Variants in COMT observed in about 807,000 individuals in gnomAD.
COMT encodes catechol O-methyltransferase.
In COMT, 13 loss-of-function variants were observed where a neutral mutation model predicts 18.9. That is an observed-to-expected ratio of 0.69 (90% CI 0.45 to 1.09). COMT has a LOEUF of 1.09. COMT is among the 50% of genes least tolerant of loss of function. The pLI, the probability that COMT is intolerant of heterozygous loss-of-function variation, is 0.00. For missense variants in COMT, 329 were observed against 361.8 expected, an observed-to-expected ratio of 0.91 and a Z score of 0.73; for synonymous variants, 150 against 160.9, an observed-to-expected ratio of 0.93 and a Z score of 0.51.
In COMT at chr22:19,964,113, T is replaced by G. The variant is rs774007307; in HGVS notation, c.484-55T>G. 1.5e-5 allele frequency: 25 copies of G among 1,613,424 alleles called. No individual in the cohort carries two copies. In the South Asian group the frequency reaches 2.5e-4, roughly 16 times the overall value. On this transcript the variant is annotated intron_variant, in intron 4 of 5. Transcript: ENST00000361682. The stretch of plus-strand genomic sequence containing the variant: ...ACTGACAGGCGCTGTTGTATAGGTG[T>G]GTAGGGATGGCCTCCTGTCTGTGAG...
At position 19,963,746 on chromosome 22, in the gene COMT, G is replaced by C. The variant is rs1445081098; in HGVS notation, c.470G>C (p.Gly157Ala). The change falls in exon 4 of 6, where the codon GGC becomes GCC. Residue 157 changes from glycine to alanine, a missense_variant. Coordinates refer to ENST00000361682, the MANE Select transcript of COMT (RefSeq NM_000754.4). ...ACCCAGCGGATGGTGGATTTCGCTG[G>C]CGTGAAGGACAAGGTGTGCATGCCT... ...AITQRMVDFA[G>A]VKDKVTLVVG... 2 of 1,611,964 alleles carry C rather than the reference G, an allele frequency of 1.2e-6. No homozygotes were observed. Among genetic ancestry groups the C allele is most frequent in the Admixed American group, 3.3e-5 (2 of 60,016 alleles).
chr22:19,960,553 G>GC (rs1942170911), intron 1 of COMT, among the ~76,000 whole-genome samples: 1 of 152,172 alleles, frequency 6.6e-6, no homozygotes, highest in South Asian at 2.1e-4. Context: ...GGCACGTCCT[G>GC]CCCCGCTGGG....
intron 5 of COMT, chr22:19,965,040 A>T (rs117179536): frequency 4.8e-4 from 79 of 164,594 alleles, no homozygotes; most frequent in Non-Finnish European, 9.5e-4. Context: ...TAGCAGCCGG[A>T]CTAGGAGCAC....
At position 19,941,876 on chromosome 22, in the gene COMT, C is replaced by T. The variant is rs1195709784; in HGVS notation, c.-113C>T. Reference sequence around the variant, plus strand: ...CGCCGGACCGGGGCGGGTCCAGTCCCGGGCGGGCCGTCGCGGGAGAGGTGA... The same window carrying T: ...CGCCGGACCGGGGCGGGTCCAGTCCTGGGCGGGCCGTCGCGGGAGAGGTGA... On this transcript the variant is annotated 5_prime_UTR_variant, in exon 1 of 6. Coordinates refer to ENST00000361682, the MANE Select transcript of COMT (RefSeq NM_000754.4). 2.2e-6 allele frequency: 3 copies of T among 1,388,558 alleles called. No homozygotes were observed. In the African/African-American group the frequency reaches 4.6e-5, roughly 21 times the overall value. 86.0% of individuals were successfully genotyped at this position (1,388,558 alleles called of 1,614,324 possible).
At position 19,962,639 on chromosome 22, in the gene COMT, G is replaced by A. The variant is rs759091417; in HGVS notation, c.113G>A (p.Trp38Ter). 1.2e-6 allele frequency: 2 copies of A among 1,607,430 alleles called. No homozygotes were observed. The highest frequency in any genetic ancestry group is 1.1e-5 in the South Asian group (1 of 90,206). ...HWGWGLCLIG[W>*]NEFILQPIHN... ...GGCTGGGGCCTGTGCCTTATCGGCT[G>A]GAACGAGTTCATCCTGCAGCCCATC... Residue 38 changes from tryptophan (W) to a stop codon, truncating the protein, a stop_gained, in exon 3 of 6, where the codon TGG (tryptophan) becomes TAG (stop). Coordinates refer to ENST00000361682, the MANE Select transcript of COMT (RefSeq NM_000754.4). LOFTEE classifies it high-confidence loss of function.
rs1253317190 is a variant in COMT, at chr22:19,964,253, TCGA to T, written c.571_573del (p.Asp191del). Reference sequence around the variant, plus strand: ...GTGGACACACTGGACATGGTCTTCCTCGACCACTGGAAGGACCGGTACCTGCCG... The same window carrying T: ...GTGGACACACTGGACATGGTCTTCCTCCACTGGAAGGACCGGTACCTGCCG... On this transcript the variant is annotated inframe_deletion, in exon 5 of 6. Coordinates refer to ENST00000361682, the MANE Select transcript of COMT (RefSeq NM_000754.4). 6.2e-7 allele frequency: 1 copy of T among 1,614,070 alleles called. No individual in the cohort carries two copies. Among genetic ancestry groups the T allele is most frequent in the Admixed American group, 1.7e-5 (1 of 60,022 alleles).
At chr22:19,959,455 G>T (rs1470402657) in intron 1 of COMT, among the ~76,000 whole-genome samples, 1 of 152,230 alleles carries the variant, frequency 6.6e-6, no homozygotes, top group Non-Finnish European at 1.5e-5. Context: ...CGTCCCTCCC[G>T]GCCCAGTGGG....
At chr22:19,964,105 T>C in intron 4 of COMT, 63 bp from the exon 5 acceptor site, 2 of 1,613,000 alleles carry the variant, frequency 1.2e-6, no homozygotes, top group Non-Finnish European at 1.7e-6. Flanking sequence ...GGCGCTGTTG[T>C]ATAGGTGTGT....
chr22:19,967,548 C>A, intron 5 of COMT: 2 of 379,390 alleles, frequency 5.3e-6, no homozygotes, highest in East Asian at 7.2e-5. Context: ...CTGCAGCATA[C>A]AGGCTGGAAA....
At chr22:19,963,251 G>A in intron 3 of COMT, 1 of 541,784 alleles carries the variant, frequency 1.8e-6, no homozygotes. Flanking sequence ...GATTCAGAGA[G>A]GGCAGCTCTG....
At chr22:19,963,782 C>G (rs376460351) in intron 4 of COMT, 23 bp downstream of exon 4, 137 of 1,604,842 alleles carry the variant, frequency 8.5e-5, no homozygotes, top group East Asian at 4.0e-4. Flanking sequence ...GACCCGTTGT[C>G]AGACCTGGAA....
Position 19,968,788 on chromosome 22 carries a change from G to C in COMT, c.*52G>C. On this transcript the variant is annotated 3_prime_UTR_variant, in exon 6 of 6. Coordinates refer to ENST00000361682, the MANE Select transcript of COMT (RefSeq NM_000754.4). ...TCTCTCACCCAGCCTGGTACTGAAGGTGCCAGACGTGCTCCTGCTGACCTT... is the reference window on the plus strand; with the variant it reads ...TCTCTCACCCAGCCTGGTACTGAAGCTGCCAGACGTGCTCCTGCTGACCTT... The C allele has an allele frequency of 6.5e-7, 1 of 1,542,880 alleles. No homozygotes were observed. The highest frequency in any genetic ancestry group is 8.8e-7 in the Non-Finnish European group (1 of 1,134,224).
At chr22:19,966,222 G>GC (rs1377866035) in intron 5 of COMT, among the ~76,000 whole-genome samples, 1 of 152,120 alleles carries the variant, frequency 6.6e-6, no homozygotes, top group Non-Finnish European at 1.5e-5. Flanking sequence ...GGGGCCCTGT[G>GC]CCCCCTTGTG....
chr22:19,955,383 C>T (rs1942035569), intron 1 of COMT, among the ~76,000 whole-genome samples: 2 of 152,206 alleles, frequency 1.3e-5, no homozygotes, highest in Non-Finnish European at 2.9e-5. Context: ...CCTGTCTCTA[C>T]GCACCTGTAC....
At chr22:19,963,802 G>A in intron 4 of COMT, 43 bp downstream of exon 4, 1 of 1,586,534 alleles carries the variant, frequency 6.3e-7, no homozygotes, top group African/African-American at 1.3e-5. Context: ...AAAAGGGCCG[G>A]CTGTGGGCAG....
chr22:19,950,261 T>TTTTTTTTTTTTTTTTTTTTTTTTTTTTTG (rs763598655), intron 1 of COMT, among the ~76,000 whole-genome samples: 2 of 132,724 alleles, frequency 1.5e-5, no homozygotes, highest in Non-Finnish European at 3.3e-5. Context: ...TTTTTTTTTT[T>TTTTTTTTTTTTTTTTTTTTTTTTTTTTTG]TTCTGTAGAG....
At chr22:19,947,527 G>T (rs909114665) in intron 1 of COMT, among the ~76,000 whole-genome samples, 1 of 152,200 alleles carries the variant, frequency 6.6e-6, no homozygotes. Context: ...CTGGACGGGG[G>T]CCCTTCCCTG....
chr22:19,967,190 C>A, intron 5 of COMT: 1 of 1,304,734 alleles, frequency 7.7e-7, no homozygotes, highest in Admixed American at 2.3e-5. Context: ...TCTTTCAGTC[C>A]GCTGACGTCT....
At chr22:19,947,560 G>A (rs752265540) in intron 1 of COMT, among the ~76,000 whole-genome samples, 18 of 152,318 alleles carry the variant, frequency 1.2e-4, no homozygotes, top group Admixed American at 3.3e-4. Flanking sequence ...GGCGGACAGC[G>A]AGAGGAGACA....
Sources: allele counts gnomAD v4.1 joint callset (sites outside exome capture counted in the v4.1 genomes callset), GRCh38; gene constraint gnomAD v4.1.1; transcripts MANE v1.5; gene names NCBI Gene and HGNC (gene_info 2026-07-23, HGNC 2026-07-21).